The following RANBP17 variants were observed in gnomAD, a reference collection of about 807,000 sequenced individuals.
The protein encoded by RANBP17 is ran-binding protein 17.
A neutral mutation model predicts 141.2 loss-of-function variants in RANBP17; 158 were observed. The ratio of observed to expected loss-of-function variants is 1.12; its 90% confidence interval spans 0.98 to 1.28. The LOEUF (loss-of-function observed/expected upper bound fraction) is 1.28, where lower values mean the gene tolerates loss of function less well. Ranked by LOEUF, RANBP17 falls within the 50% of genes most tolerant of loss-of-function variation. The pLI, the probability that RANBP17 is intolerant of heterozygous loss-of-function variation, is 0.00. For missense variants in RANBP17, 1,438 were observed against 1,290.7 expected (o/e 1.11, Z -1.75); for synonymous variants, 430 against 450.0 (o/e 0.96, Z 0.56).
intron 22 of RANBP17, among the ~76,000 whole-genome samples, chr5:171,229,792 G>A (rs370895883): frequency 3.4e-5 from 5 of 149,036 alleles, no homozygotes; most frequent in South Asian, 2.1e-4. Flanking sequence ...CCACCTGGGC[G>A]CAGTGGCTCA....
chr5:170,985,024 CACACACAG>C (rs953852474), intron 14 of RANBP17, among the ~76,000 whole-genome samples: 4 of 126,202 alleles, frequency 3.2e-5, no homozygotes, highest in Non-Finnish European at 3.4e-5. Flanking sequence ...TACACATATA[CACACACAG>C]ACACACAGGC....
At chr5:171,222,613 T>C (rs62392992) in intron 22 of RANBP17, among the ~76,000 whole-genome samples, 4,608 of 152,156 alleles carry the variant, frequency 0.03, 101 homozygotes, top group Non-Finnish European at 0.045. Context: ...GTAAATTTAG[T>C]CTGTAAAGTT....
At chr5:170,954,900 G>T (rs1775493049) in intron 13 of RANBP17, among the ~76,000 whole-genome samples, 1 of 152,186 alleles carries the variant, frequency 6.6e-6, no homozygotes, top group Non-Finnish European at 1.5e-5. Context: ...TCCACAGCCT[G>T]TTAGGAACTG....
chr5:170,959,374 G>C (rs1186225347), intron 13 of RANBP17, among the ~76,000 whole-genome samples: 1 of 152,164 alleles, frequency 6.6e-6, no homozygotes, highest in East Asian at 1.9e-4. Flanking sequence ...TGATGGCCCA[G>C]AGTATCCTGT....
chr5:171,025,019 G>A (rs943060556), intron 14 of RANBP17, among the ~76,000 whole-genome samples: 1 of 152,024 alleles, frequency 6.6e-6, no homozygotes, highest in African/African-American at 2.4e-5. Flanking sequence ...CTCTCTTTCA[G>A]TAAATGGCAT....
chr5:171,131,252 T>TA (rs1756897938), intron 14 of RANBP17, among the ~76,000 whole-genome samples: 1 of 152,206 alleles, frequency 6.6e-6, no homozygotes, highest in Admixed American at 6.5e-5. Context: ...TCCTTAAAAA[T>TA]ATTAAGATTA....
chr5:171,097,946 T>C (rs1277836460), intron 14 of RANBP17, among the ~76,000 whole-genome samples: 1 of 152,122 alleles, frequency 6.6e-6, no homozygotes, highest in African/African-American at 2.4e-5. Flanking sequence ...TTCATCCATG[T>C]CCCTGCAAAG....
At chr5:170,919,129 A>G (rs1352846698) in intron 10 of RANBP17, among the ~76,000 whole-genome samples, 1 of 151,996 alleles carries the variant, frequency 6.6e-6, no homozygotes, top group Admixed American at 6.6e-5. Context: ...ATTATAGAAA[A>G]GTTTTTAAAA....
In RANBP17 at chr5:170,916,822, T is replaced by C. The variant is rs1772017854; in HGVS notation, c.954+238T>C. On this transcript the variant is annotated intron_variant, in intron 9 of 27. Coordinates refer to ENST00000523189, the MANE Select transcript of RANBP17 (RefSeq NM_022897.5). ...CCTCTACCTCCCGGGTTCGAGTGAT[T>C]CTTCTGCCTCAGCCTCTTGAGTAGC... Among the ~76,000 whole-genome samples the C allele has an allele frequency of 3.3e-5, 5 of 151,900 alleles. No homozygotes were observed. In the South Asian group the frequency reaches 1.0e-3, roughly 32 times the overall value.
At chr5:170,918,646 G>T (rs1209854789) in intron 9 of RANBP17, 67 bp from the exon 10 acceptor site, 11 of 1,337,010 alleles carry the variant, frequency 8.2e-6, no homozygotes. Context: ...ATGCTTTGGG[G>T]TTTTACTGAT....
intron 25 of RANBP17, chr5:171,284,370 G>A (rs1257202833): frequency 6.6e-6 from 1 of 152,020 alleles, no homozygotes; most frequent in African/African-American, 2.4e-5. Context: ...AGTCACCCAG[G>A]CTGGAGTGCA....
intron 14 of RANBP17, among the ~76,000 whole-genome samples, chr5:170,999,527 A>C (rs1025933361): frequency 6.6e-6 from 1 of 152,198 alleles, no homozygotes; most frequent in Non-Finnish European, 1.5e-5. Context: ...CTAATATTTA[A>C]ATAATTCAGA....
chr5:171,019,571 G>A (rs964862564), intron 14 of RANBP17, among the ~76,000 whole-genome samples: 34 of 152,010 alleles, frequency 2.2e-4, no homozygotes, highest in Non-Finnish European at 5.9e-5. Flanking sequence ...ATTCTCTGAT[G>A]GTAGTTTGAA....
chr5:171,227,499 GA>G (rs560995709), intron 22 of RANBP17, among the ~76,000 whole-genome samples: 40 of 152,350 alleles, frequency 2.6e-4, no homozygotes, highest in African/African-American at 8.7e-4. Flanking sequence ...GAGGTTTACA[GA>G]AAAAGGCCAC....
At chr5:170,958,138 G>A (rs568358878) in intron 13 of RANBP17, among the ~76,000 whole-genome samples, 2 of 152,282 alleles carry the variant, frequency 1.3e-5, no homozygotes, top group East Asian at 3.9e-4. Context: ...TCATGACTGG[G>A]GGAGTAAGGA....
intron 21 of RANBP17, among the ~76,000 whole-genome samples, chr5:171,218,852 C>A (rs1561774732): frequency 6.6e-6 from 1 of 151,998 alleles, no homozygotes. Flanking sequence ...GACTCTTTAT[C>A]CAAGTTGCCT....
intron 14 of RANBP17, among the ~76,000 whole-genome samples, chr5:171,054,715 C>T (rs1230846095): frequency 1.3e-5 from 2 of 152,108 alleles, no homozygotes; most frequent in Non-Finnish European, 2.9e-5. Context: ...CAGTAGGCCT[C>T]AACCTTATTT....
chr5:170,952,248 C>G (rs999285298), intron 12 of RANBP17, among the ~76,000 whole-genome samples: 2 of 151,940 alleles, frequency 1.3e-5, no homozygotes, highest in Non-Finnish European at 2.9e-5. Context: ...TGATCTGTTA[C>G]GTTTTTCATG....
chr5:170,955,681 T>TATATACACAC lies in RANBP17; in HGVS notation c.1574+1980_1574+1981insTATACACACA, dbSNP rs769742239. Reference sequence around the variant, plus strand: ...ATATATATATATATATATATATATATACACTGAATGAACTCTGTAGAGGAA... The same window carrying TATATACACAC: ...ATATATATATATATATATATATATATATATACACACACACTGAATGAACTCTGTAGAGGAA... On this transcript the variant is annotated intron_variant, in intron 13 of 27. Transcript: ENST00000523189. Among the ~76,000 whole-genome samples the TATATACACAC allele has an allele frequency of 7.7e-5, 3 of 39,084 alleles. 1 individual carries two copies. Among genetic ancestry groups the TATATACACAC allele is most frequent in the Non-Finnish European group, 1.1e-4 (2 of 18,432 alleles). The allele number at this position is 39,084 out of a possible 152,430, so 25.6% of individuals were successfully genotyped here. A position where few individuals can be genotyped will look rare whatever the true frequency, so the allele number is the denominator to read the frequency against.
Sources: allele counts gnomAD v4.1 joint callset (sites outside exome capture counted in the v4.1 genomes callset), GRCh38; gene constraint gnomAD v4.1.1; transcripts MANE v1.5; gene names NCBI Gene and HGNC (gene_info 2026-07-23, HGNC 2026-07-21).